The following SSR3 variants were observed in gnomAD, a reference collection of about 807,000 sequenced individuals.
SSR3 encodes the protein signal sequence receptor subunit 3.
Under a neutral mutation model 22.1 loss-of-function variants are expected in SSR3, and 10 were observed. The ratio of observed to expected loss-of-function variants is 0.45; its 90% CI spans 0.28 to 0.77. SSR3 has a LOEUF of 0.77. Among genes scored for constraint, SSR3 ranks in the 30% least tolerant of loss-of-function variants. The probability of loss-of-function intolerance (pLI) is 0.13; values close to 1 mark genes in which losing one functional copy is unlikely to be tolerated. For synonymous variants in SSR3, 104 were observed against 82.5 expected, an observed-to-expected ratio of 1.26 and a Z score of -1.42; for missense variants, 181 against 220.5, an observed-to-expected ratio of 0.82 and a Z score of 1.13.
chr3:156,554,921 G>A (rs1455085491), intron 1 of SSR3, 36 bp downstream of exon 1: 20 of 1,597,946 alleles, frequency 1.3e-5, no homozygotes, highest in Non-Finnish European at 1.4e-5. Flanking sequence ...CGACTAGCCG[G>A]CGGCCTGCCT....
In SSR3 at chr3:156,555,071, A is replaced by C. The variant is rs377109702; in HGVS notation, c.19T>G (p.Ser7Ala). The C allele has an allele frequency of 6.2e-7, 1 of 1,613,806 alleles. No homozygotes were observed. The highest frequency in any genetic ancestry group is 8.5e-7 in the Non-Finnish European group (1 of 1,179,922). Reference protein sequence around the residue: MAPKGSSKQQSEEDLLL... With the variant: MAPKGSAKQQSEEDLLL... ...AGGTCCTCCTCAGACTGCTGTTTGG[A>C]GCTGCCTTTAGGAGCCATGGCGGAG... is the stretch of plus-strand genomic sequence containing the variant. Residue 7 changes from serine to alanine, a missense_variant, in exon 1 of 5, where the codon TCC becomes GCC. Coordinates refer to ENST00000265044, the MANE Select transcript of SSR3 (RefSeq NM_007107.5).
Position 156,543,217 on chromosome 3 carries a change from T to C in SSR3, c.544A>G (p.Thr182Ala), listed in dbSNP as rs1332572932. The C allele has an allele frequency of 1.2e-6, 2 of 1,613,872 alleles. No homozygotes were observed. The highest frequency in any genetic ancestry group is 1.1e-5 in the South Asian group (1 of 91,064). The change falls in exon 5 of 5, where the codon ACT becomes GCT. Residue 182 changes from threonine (T) to alanine (A), a missense_variant. Coordinates refer to ENST00000265044, the MANE Select transcript of SSR3 (RefSeq NM_007107.5). ...ASSGLIALLS[T>A]GSK ...GCTGACATGGTCTATTTGGAGCCAG[T>C]AGACAGGAGGGCGATGAGTCCTGAT...
At chr3:156,543,372 C>T (rs1719639380) in intron 4 of SSR3, 103 bp from the exon 5 acceptor site, 1 of 813,456 alleles carries the variant, frequency 1.2e-6, no homozygotes, top group African/African-American at 1.7e-5. Flanking sequence ...CTTCCTGACA[C>T]TTGGTGTAAT....
chr3:156,547,797 T>C (rs1275774359), intron 3 of SSR3, among the ~76,000 whole-genome samples: 5 of 152,204 alleles, frequency 3.3e-5, no homozygotes, highest in African/African-American at 1.2e-4. Context: ...GAAAGTTTCT[T>C]TTCAGAAGGA....
chr3:156,549,043 A>C, intron 2 of SSR3, 40 bp from the exon 3 acceptor site: 1 of 1,576,720 alleles, frequency 6.3e-7, no homozygotes, highest in African/African-American at 1.4e-5. Context: ...TCCATATGCT[A>C]CAGAGGTGAA....
At chr3:156,553,193 G>T (rs1392712186) in intron 2 of SSR3, among the ~76,000 whole-genome samples, 1 of 152,172 alleles carries the variant, frequency 6.6e-6, no homozygotes, top group Non-Finnish European at 1.5e-5. Flanking sequence ...GGAAGGTTGA[G>T]GCTGCAGTGA....
At chr3:156,544,511 C>G (rs1293453368) in intron 3 of SSR3, 72 bp from the exon 4 acceptor site, 1 of 1,258,782 alleles carries the variant, frequency 7.9e-7, no homozygotes, top group East Asian at 2.7e-5. Context: ...CCATATGGCT[C>G]TAGTTCATCA....
chr3:156,548,744 A>T, intron 3 of SSR3, 161 bp downstream of exon 3: 1 of 830,770 alleles, frequency 1.2e-6, no homozygotes, highest in Admixed American at 2.9e-5. Flanking sequence ...TTGTAATAAA[A>T]ACTCTAAAAG....
At position 156,553,734 on chromosome 3, in the gene SSR3, A is replaced by C. The variant is rs1720047182; in HGVS notation, c.181T>G (p.Leu61Val). The C allele has an allele frequency of 6.2e-7, 1 of 1,613,086 alleles. No individual in the cohort carries two copies. ...WHMDLIQSAV[L>V]YSVMTLVSTY... Reference sequence around the variant, plus strand: ...CTTACTAGGGTCATCACACTATACAAAACAGCAGACTGAATAAGATCCATA... The same window carrying C: ...CTTACTAGGGTCATCACACTATACACAACAGCAGACTGAATAAGATCCATA... Residue 61 changes from leucine to valine, a missense_variant, in exon 2 of 5, where the codon TTG (leucine) becomes GTG (valine). Leu to Val is a conservative substitution (Grantham distance 32). Coordinates refer to ENST00000265044, the MANE Select transcript of SSR3 (RefSeq NM_007107.5).
rs1168479804 is a variant in SSR3, at chr3:156,540,095, A to T, written c.*3108T>A. On this transcript the variant is annotated 3_prime_UTR_variant, in exon 5 of 5. Coordinates refer to ENST00000265044, the MANE Select transcript of SSR3 (RefSeq NM_007107.5). The stretch of plus-strand genomic sequence containing the variant: ...AATGTAAAATAATATAATAAAGATT[A>T]CGTACTTCATCATAGGATTCTTATA... 6.6e-6 allele frequency: 1 copy of T among 152,260 alleles called. No individual in the cohort carries two copies. The highest frequency in any genetic ancestry group is 1.5e-5 in the Non-Finnish European group (1 of 68,048). The allele number at this position is 152,260 out of a possible 1,614,324, so 9.4% of individuals were successfully genotyped here.
intron 3 of SSR3, among the ~76,000 whole-genome samples, chr3:156,547,914 C>T (rs1264838250): frequency 6.6e-6 from 1 of 152,188 alleles, no homozygotes; most frequent in Non-Finnish European, 1.5e-5. Context: ...CTGTAACTAA[C>T]TCTAAGGTAC....
chr3:156,554,888 T>TA (rs1318960178), intron 1 of SSR3, 69 bp downstream of exon 1: 2 of 1,553,454 alleles, frequency 1.3e-6, no homozygotes, highest in Non-Finnish European at 1.7e-6. Context: ...GCTCGCCGGG[T>TA]CCTGCCACGT....
Position 156,553,775 on chromosome 3 carries a change from T to C in SSR3, c.140A>G (p.Tyr47Cys), listed in dbSNP as rs775756940. ...FIVSAIPIWL[Y>C]WRIWHMDLIQ... is the part of the protein sequence containing the mutation. ...AAGATCCATATGCCATATTCGCCAG[T>C]ATAACCCTGAATTAAAATAAAAGGG... The change falls in exon 2 of 5, where the codon TAC becomes TGC. Residue 47 changes from tyrosine (Y) to cysteine (C), a missense_variant. Tyr to Cys is a radical substitution (Grantham distance 194). Transcript: ENST00000265044. 6.3e-7 allele frequency: 1 copy of C among 1,599,292 alleles called. No individual in the cohort carries two copies. Among genetic ancestry groups the C allele is most frequent in the Non-Finnish European group, 8.5e-7 (1 of 1,174,456 alleles).
chr3:156,550,691 A>C (rs1308439355), intron 2 of SSR3, among the ~76,000 whole-genome samples: 1 of 152,230 alleles, frequency 6.6e-6, no homozygotes, highest in Non-Finnish European at 1.5e-5. Flanking sequence ...AAAATAAAAA[A>C]AGACACTACC....
At chr3:156,544,043 CT>C (rs1002777289) in intron 4 of SSR3, 11 of 383,096 alleles carry the variant, frequency 2.9e-5, no homozygotes, top group East Asian at 3.8e-5. Flanking sequence ...CTCTTTGGAG[CT>C]TTTTTTTAAG....
chr3:156,545,712 G>T (rs767646501), intron 3 of SSR3, among the ~76,000 whole-genome samples: 1 of 150,978 alleles, frequency 6.6e-6, no homozygotes, highest in African/African-American at 2.4e-5. Context: ...TCCATTTACT[G>T]TAAGTTTGGA....
intron 2 of SSR3, 44 bp downstream of exon 2, chr3:156,553,611 A>T: frequency 1.3e-6 from 2 of 1,578,840 alleles, no homozygotes; most frequent in Non-Finnish European, 1.7e-6. Flanking sequence ...GACATATAAA[A>T]ATATAACATG....
intron 1 of SSR3, chr3:156,554,169 G>C (rs909779153): frequency 5.0e-5 from 8 of 160,716 alleles, no homozygotes; most frequent in Non-Finnish European, 8.1e-5. Context: ...TGACGTGGCT[G>C]TTATCAGAAC....
At position 156,555,048 on chromosome 3, in the gene SSR3, G is replaced by A. The variant is rs372869913; in HGVS notation, c.42C>T (p.Asp14=). 5.0e-5 allele frequency: 81 copies of A among 1,613,912 alleles called. No individual in the cohort carries two copies. The highest frequency in any genetic ancestry group is 8.3e-5 in the Admixed American group (5 of 60,016). Residue 14 remains aspartate (D), a synonymous_variant, in exon 1 of 5, where the codon GAC becomes GAT. Coordinates refer to ENST00000265044, the MANE Select transcript of SSR3 (RefSeq NM_007107.5). ...TGCGGCTGAAATCCTGCAGGAGCAG[G>A]TCCTCCTCAGACTGCTGTTTGGAGC... ...KGSSKQQSEE[D]LLLQDFSRNL...
Sources: allele counts gnomAD v4.1 joint callset (sites outside exome capture counted in the v4.1 genomes callset), GRCh38; gene constraint gnomAD v4.1.1; transcripts MANE v1.5; gene names NCBI Gene and HGNC (gene_info 2026-07-23, HGNC 2026-07-21).